Variants in KCTD8 observed in about 807,000 individuals in gnomAD.
KCTD8 encodes the protein potassium channel tetramerization domain containing 8.
KCTD8 carries 27 observed loss-of-function variants against 31.5 expected under a neutral mutation model. The ratio of observed to expected loss-of-function variants is 0.86; its 90% CI spans 0.63 to 1.18. KCTD8 has a LOEUF of 1.18. Among genes scored for constraint, KCTD8 ranks in the 50% most tolerant of loss-of-function variants. The probability of loss-of-function intolerance (pLI) is 0.00; values close to 1 mark genes in which losing one functional copy is unlikely to be tolerated. For synonymous variants in KCTD8, 290 were observed against 280.0 expected (o/e 1.04, Z -0.36); for missense variants, 658 against 647.7 (o/e 1.02, Z -0.17).
chr4:44,199,606 A>G (rs937867674), intron 1 of KCTD8, among the ~76,000 whole-genome samples: 2 of 152,104 alleles, frequency 1.3e-5, no homozygotes, highest in African/African-American at 4.8e-5. Flanking sequence ...TTGAAATTAA[A>G]GAAATTAAAG....
At chr4:44,268,350 A>T (rs944178425) in intron 1 of KCTD8, among the ~76,000 whole-genome samples, 2 of 152,128 alleles carry the variant, frequency 1.3e-5, no homozygotes, top group African/African-American at 4.8e-5. Context: ...ACAACCCTTC[A>T]TGCTAAAAAC....
chr4:44,180,582 T>TGCAC (rs200270284), intron 1 of KCTD8, among the ~76,000 whole-genome samples: 207 of 145,264 alleles, frequency 1.4e-3, no homozygotes, highest in African/African-American at 5.2e-3. Flanking sequence ...TCAGTATACA[T>TGCAC]ACATGCACAC....
At chr4:44,279,314 T>C (rs1716834946) in intron 1 of KCTD8, among the ~76,000 whole-genome samples, 1 of 152,022 alleles carries the variant, frequency 6.6e-6, no homozygotes, top group Non-Finnish European at 1.5e-5. Context: ...TCCTGTATTC[T>C]GTATTGGAAG....
intron 1 of KCTD8, among the ~76,000 whole-genome samples, chr4:44,349,750 A>G (rs1350242355): frequency 6.6e-6 from 1 of 152,174 alleles, no homozygotes; most frequent in African/African-American, 2.4e-5. Flanking sequence ...AATTTTCCAA[A>G]GCACAACTCT....
chr4:44,420,465 C>T (rs1009165520), intron 1 of KCTD8, among the ~76,000 whole-genome samples: 1 of 152,136 alleles, frequency 6.6e-6, no homozygotes, highest in African/African-American at 2.4e-5. Flanking sequence ...GCTTTAGAGG[C>T]CATACAGACT....
At chr4:44,298,741 A>C (rs1717519656) in intron 1 of KCTD8, among the ~76,000 whole-genome samples, 1 of 152,200 alleles carries the variant, frequency 6.6e-6, no homozygotes, top group South Asian at 2.1e-4. Flanking sequence ...AAAGTGACAA[A>C]ATGTTACCAT....
intron 1 of KCTD8, among the ~76,000 whole-genome samples, chr4:44,236,659 T>C (rs1715297456): frequency 1.3e-5 from 2 of 152,300 alleles, no homozygotes; most frequent in South Asian, 4.1e-4. Context: ...TTGATACATA[T>C]TGATATATGA....
intron 1 of KCTD8, among the ~76,000 whole-genome samples, chr4:44,208,374 C>G (rs918767072): frequency 6.6e-6 from 1 of 152,104 alleles, no homozygotes; most frequent in African/African-American, 2.4e-5. Flanking sequence ...AGAGTACAGC[C>G]ACAGGGATCT....
intron 1 of KCTD8, among the ~76,000 whole-genome samples, chr4:44,263,115 C>T (rs549339434): frequency 9.2e-5 from 14 of 152,162 alleles, no homozygotes; most frequent in South Asian, 2.1e-4. Context: ...ACTGCAGCAA[C>T]GGAAAGCATA....
intron 1 of KCTD8, among the ~76,000 whole-genome samples, chr4:44,356,112 C>T (rs1577633398): frequency 6.6e-6 from 1 of 152,148 alleles, no homozygotes; most frequent in East Asian, 1.9e-4. Context: ...ATACTTCTTC[C>T]TAACTTACTC....
intron 1 of KCTD8, among the ~76,000 whole-genome samples, chr4:44,383,899 A>G (rs557396132): frequency 6.6e-6 from 1 of 152,214 alleles, no homozygotes; most frequent in South Asian, 2.1e-4. Context: ...GCAGAATAGA[A>G]GAAAATATTT....
intron 1 of KCTD8, among the ~76,000 whole-genome samples, chr4:44,268,618 A>T (rs2109370575): frequency 6.6e-6 from 1 of 152,212 alleles, no homozygotes. Flanking sequence ...CTGTTTGCAG[A>T]CGACATGATT....
intron 1 of KCTD8, among the ~76,000 whole-genome samples, chr4:44,391,023 T>C (rs1720358207): frequency 3.3e-5 from 5 of 152,026 alleles, no homozygotes; most frequent in Admixed American, 3.3e-4. Flanking sequence ...TAACGGCATT[T>C]GCAGCAACCT....
intron 1 of KCTD8, among the ~76,000 whole-genome samples, chr4:44,421,964 T>C (rs1276026532): frequency 6.6e-6 from 1 of 152,168 alleles, no homozygotes; most frequent in Non-Finnish European, 1.5e-5. Context: ...TCATCTGATC[T>C]GTGCATGGGC....
At chr4:44,369,216 G>T (rs1466166577) in intron 1 of KCTD8, among the ~76,000 whole-genome samples, 1 of 152,294 alleles carries the variant, frequency 6.6e-6, no homozygotes, top group Non-Finnish European at 1.5e-5. Context: ...ATTGGACAGA[G>T]ATTATTTAAA....
At chr4:44,330,740 T>G (rs1718572355) in intron 1 of KCTD8, among the ~76,000 whole-genome samples, 1 of 151,912 alleles carries the variant, frequency 6.6e-6, no homozygotes, top group African/African-American at 2.4e-5. Context: ...AAGTACTATA[T>G]GTAAAGCTCA....
At chr4:44,423,533 C>G (rs560788400) in intron 1 of KCTD8, among the ~76,000 whole-genome samples, 2 of 152,146 alleles carry the variant, frequency 1.3e-5, no homozygotes, top group South Asian at 4.1e-4. Flanking sequence ...GACCCAATTC[C>G]TCTGTTCTGT....
At chr4:44,353,995 A>T (rs927224309) in intron 1 of KCTD8, among the ~76,000 whole-genome samples, 2 of 152,096 alleles carry the variant, frequency 1.3e-5, no homozygotes, top group Non-Finnish European at 2.9e-5. Flanking sequence ...ATATTTTTTT[A>T]AAAATCTAGT....
intron 1 of KCTD8, among the ~76,000 whole-genome samples, chr4:44,217,762 T>G (rs966331789): frequency 6.6e-6 from 1 of 152,136 alleles, no homozygotes; most frequent in Non-Finnish European, 1.5e-5. Context: ...TTCCTGCCCT[T>G]GGACATGGGA....
Sources: allele counts gnomAD v4.1 joint callset (sites outside exome capture counted in the v4.1 genomes callset), GRCh38; gene constraint gnomAD v4.1.1; transcripts MANE v1.5; gene names NCBI Gene and HGNC (gene_info 2026-07-23, HGNC 2026-07-21).